Variants in RBFOX1 observed in about 807,000 individuals in gnomAD.
RBFOX1 encodes the protein RNA binding fox-1 homolog 1, also known as RNA binding protein fox-1 homolog 1.
In RBFOX1, 8 loss-of-function variants were observed where a neutral mutation model predicts 57.7. The ratio of observed to expected loss-of-function variants is 0.14; its 90% CI spans 0.08 to 0.25. The LOEUF is 0.25. Among genes scored for constraint, RBFOX1 ranks in the 10% least tolerant of loss-of-function variants. RBFOX1 has a pLI of 1.00. For synonymous variants in RBFOX1, 326 were observed against 222.4 expected (o/e 1.47, Z -4.15); for missense variants, 611 against 548.5 (o/e 1.11, Z -1.14).
intron 3 of RBFOX1, among the ~76,000 whole-genome samples, chr16:5,657,146 C>G (rs1344400310): frequency 6.6e-6 from 1 of 152,118 alleles, no homozygotes; most frequent in Non-Finnish European, 1.5e-5. Context: ...TGGTATACAT[C>G]TCTTGATTGG....
At chr16:7,012,430 G>T (rs953524875) in intron 3 of RBFOX1, among the ~76,000 whole-genome samples, 5 of 152,114 alleles carry the variant, frequency 3.3e-5, no homozygotes, top group African/African-American at 9.7e-5. Flanking sequence ...TGTGTCATAG[G>T]CAAGGAGCCT....
intron 4 of RBFOX1, among the ~76,000 whole-genome samples, chr16:7,407,043 C>A (rs1427987614): frequency 2.6e-5 from 4 of 152,116 alleles, no homozygotes; most frequent in Non-Finnish European, 4.4e-5. Flanking sequence ...GATAATCTCC[C>A]CATCTCGAGA....
intron 1 of RBFOX1, among the ~76,000 whole-genome samples, chr16:6,213,626 GGAGTCAT>G (rs2152857828): frequency 6.6e-6 from 1 of 152,260 alleles, no homozygotes; most frequent in East Asian, 1.9e-4. Flanking sequence ...TATGAACCTG[GGAGTCAT>G]GAGTCTGTGC....
At chr16:7,235,495 T>A (rs2093721437) in intron 4 of RBFOX1, among the ~76,000 whole-genome samples, 2 of 152,200 alleles carry the variant, frequency 1.3e-5, no homozygotes, top group African/African-American at 4.8e-5. Context: ...AAGGAGATGC[T>A]GGTAGTTTTT....
At chr16:7,155,126 A>C (rs532045740) in intron 4 of RBFOX1, among the ~76,000 whole-genome samples, 2 of 152,194 alleles carry the variant, frequency 1.3e-5, no homozygotes, top group African/African-American at 4.8e-5. Flanking sequence ...AAAGATAAAC[A>C]ACTGTTATCA....
chr16:7,220,745 AT>A (rs142812660), intron 4 of RBFOX1, among the ~76,000 whole-genome samples: 17,305 of 152,022 alleles, frequency 0.11, 1,298 homozygotes, highest in African/African-American at 0.21. Context: ...TGAGTGTGGA[AT>A]TTCCAGGCCC....
At chr16:7,452,767 T>G (rs1471220222) in intron 4 of RBFOX1, among the ~76,000 whole-genome samples, 2 of 152,164 alleles carry the variant, frequency 1.3e-5, no homozygotes, top group Non-Finnish European at 2.9e-5. Flanking sequence ...CAAGACCATG[T>G]AGATTACTTA....
At chr16:7,692,613 G>T (rs112267463) in intron 14 of RBFOX1, among the ~76,000 whole-genome samples, 2 of 152,110 alleles carry the variant, frequency 1.3e-5, no homozygotes, top group African/African-American at 2.4e-5. Flanking sequence ...ATTTGTAGAC[G>T]AATTAGTACC....
At chr16:5,809,019 C>A (rs8047824) in intron 3 of RBFOX1, among the ~76,000 whole-genome samples, 2 of 152,038 alleles carry the variant, frequency 1.3e-5, no homozygotes, top group Admixed American at 1.3e-4. Flanking sequence ...CCTAACGCTG[C>A]GTATCTACAA....
chr16:6,023,354 A>G (rs2095122733), intron 1 of RBFOX1, among the ~76,000 whole-genome samples: 1 of 152,080 alleles, frequency 6.6e-6, no homozygotes, highest in African/African-American at 2.4e-5. Context: ...TGATTTTAGA[A>G]AAAAATTAAG....
At chr16:5,780,445 A>G (rs961431333) in intron 3 of RBFOX1, among the ~76,000 whole-genome samples, 2 of 152,230 alleles carry the variant, frequency 1.3e-5, no homozygotes, top group Non-Finnish European at 2.9e-5. Flanking sequence ...CATGTACCAT[A>G]TATTACACAA....
chr16:6,142,416 T>A (rs1490275758), intron 1 of RBFOX1, among the ~76,000 whole-genome samples: 1 of 151,632 alleles, frequency 6.6e-6, no homozygotes, highest in Non-Finnish European at 1.5e-5. Context: ...AGAGATGGGG[T>A]TTCACCATGT....
At chr16:7,059,279 C>T (rs2053510272) in intron 4 of RBFOX1, among the ~76,000 whole-genome samples, 1 of 152,128 alleles carries the variant, frequency 6.6e-6, no homozygotes, top group Non-Finnish European at 1.5e-5. Flanking sequence ...AAATGTAAGC[C>T]CCCCTTCTCC....
intron 5 of RBFOX1, among the ~76,000 whole-genome samples, chr16:7,531,590 C>T (rs2080091448): frequency 6.6e-6 from 1 of 152,128 alleles, no homozygotes; most frequent in South Asian, 2.1e-4. Context: ...CTTCCATGAG[C>T]CATGCACTAT....
intron 3 of RBFOX1, among the ~76,000 whole-genome samples, chr16:6,898,748 A>G (rs1213739505): frequency 1.3e-5 from 2 of 151,974 alleles, no homozygotes; most frequent in African/African-American, 4.8e-5. Context: ...GTATGTGTCC[A>G]TATATATAAT....
chr16:7,446,242 A>G (rs898658659), intron 4 of RBFOX1, among the ~76,000 whole-genome samples: 3 of 152,182 alleles, frequency 2.0e-5, no homozygotes, highest in African/African-American at 4.8e-5. Flanking sequence ...GACCCATGCG[A>G]ATTGACAGGA....
chr16:6,251,397 A>C (rs62015145), intron 1 of RBFOX1, among the ~76,000 whole-genome samples: 4 of 152,002 alleles, frequency 2.6e-5, no homozygotes, highest in South Asian at 4.2e-4. Flanking sequence ...CCAAAGTCAC[A>C]CAGTCAGTGT....
intron 1 of RBFOX1, among the ~76,000 whole-genome samples, chr16:6,182,830 A>G (rs984486559): frequency 9.2e-5 from 14 of 152,190 alleles, no homozygotes; most frequent in African/African-American, 3.4e-4. Flanking sequence ...ATTCTTTTTT[A>G]ATGAAAATAT....
chr16:7,623,465 G>A (rs1739203703), intron 10 of RBFOX1, among the ~76,000 whole-genome samples: 1 of 152,102 alleles, frequency 6.6e-6, no homozygotes, highest in Admixed American at 6.6e-5. Context: ...TTCTCATAAG[G>A]AACACACAAC....
Sources: gnomAD v4.1 joint callset for allele counts (sites outside exome capture counted in the v4.1 genomes callset) on GRCh38, gnomAD v4.1.1 for gene constraint, MANE v1.5 for transcripts, NCBI Gene and HGNC (gene_info 2026-07-23, HGNC 2026-07-21) for gene names.